PTPRM: variants seen among roughly 807,000 people sequenced by gnomAD.
PTPRM encodes the protein receptor-type tyrosine-protein phosphatase mu.
A neutral mutation model predicts 186.7 loss-of-function variants in PTPRM; 47 were observed. That is an observed-to-expected ratio of 0.25 (90% CI 0.20 to 0.32). The LOEUF is 0.32. Ranked by LOEUF, PTPRM falls within the 10% of genes least tolerant of loss-of-function variation. The probability of loss-of-function intolerance (pLI) is 1.00; values close to 1 mark genes in which losing one functional copy is unlikely to be tolerated. For synonymous variants in PTPRM, 668 were observed against 674.9 expected, an observed-to-expected ratio of 0.99 and a Z score of 0.16; for missense variants, 1,494 against 1,865.0, an observed-to-expected ratio of 0.80 and a Z score of 3.66.
At chr18:8,249,637 G>A (rs777060466) in intron 17 of PTPRM, among the ~76,000 whole-genome samples, 2 of 152,124 alleles carry the variant, frequency 1.3e-5, no homozygotes, top group Non-Finnish European at 2.9e-5. Context: ...TGAGTGGGGA[G>A]GGCTAAAACG....
chr18:8,223,677 G>A, intron 14 of PTPRM, among the ~76,000 whole-genome samples: 1 of 152,150 alleles, frequency 6.6e-6, no homozygotes, highest in East Asian at 1.9e-4. Context: ...CAGTTTTGCT[G>A]TCCTCTCCCC....
intron 2 of PTPRM, among the ~76,000 whole-genome samples, chr18:7,812,721 GTTT>G (rs56916348): frequency 6.9e-6 from 1 of 145,188 alleles, no homozygotes; most frequent in East Asian, 2.0e-4. Flanking sequence ...GACTTGGAAA[GTTT>G]TTTTTTTTTT....
chr18:7,657,560 A>G (rs1468814340), intron 1 of PTPRM, among the ~76,000 whole-genome samples: 1 of 152,202 alleles, frequency 6.6e-6, no homozygotes, highest in Non-Finnish European at 1.5e-5. Flanking sequence ...GAATGACAGA[A>G]CACACACACA....
intron 4 of PTPRM, among the ~76,000 whole-genome samples, chr18:7,917,829 C>G (rs1460690522): frequency 6.6e-6 from 1 of 152,118 alleles, no homozygotes; most frequent in Non-Finnish European, 1.5e-5. Flanking sequence ...TAATTCTGCA[C>G]CCCCACTCCC....
At chr18:8,054,754 C>T (rs907127487) in intron 7 of PTPRM, among the ~76,000 whole-genome samples, 1 of 151,396 alleles carries the variant, frequency 6.6e-6, no homozygotes. Flanking sequence ...TTTCTTCTAG[C>T]ATCTCAGACC....
chr18:8,071,681 G>T (rs539141617), intron 8 of PTPRM, among the ~76,000 whole-genome samples: 10 of 152,248 alleles, frequency 6.6e-5, no homozygotes, highest in Admixed American at 1.3e-4. Context: ...TGCATCCTGG[G>T]CTTCCCATCG....
intron 5 of PTPRM, among the ~76,000 whole-genome samples, chr18:7,931,719 T>C (rs1599580495): frequency 6.6e-6 from 1 of 152,224 alleles, no homozygotes; most frequent in Non-Finnish European, 1.5e-5. Context: ...TGTTTGCTGA[T>C]GGGAAACTTC....
intron 13 of PTPRM, among the ~76,000 whole-genome samples, chr18:8,126,005 A>G (rs868118917): frequency 5.9e-5 from 1 of 17,042 alleles, no homozygotes; most frequent in Non-Finnish European, 1.6e-4. Context: ...ATATATATAT[A>G]TATATATATA....
chr18:8,299,102 G>A (rs2000647), intron 20 of PTPRM, among the ~76,000 whole-genome samples: 79,040 of 151,804 alleles, frequency 0.52, 21,121 homozygotes, highest in Middle Eastern at 0.65. Flanking sequence ...TTCCAAGCAG[G>A]TTTTCTCCTT....
At chr18:8,240,647 GAGAGAGAAAGAAAGAAAGAA>G (rs1471502906) in intron 14 of PTPRM, among the ~76,000 whole-genome samples, 1,925 of 37,234 alleles carry the variant, frequency 0.052, 98 homozygotes, top group African/African-American at 0.086. Context: ...GAGAGAGAGA[GAGAGAGAAAGAAAGAAAGAA>G]AGAAAGAAAG....
At chr18:7,846,970 T>C (rs2046627056) in intron 2 of PTPRM, among the ~76,000 whole-genome samples, 1 of 151,910 alleles carries the variant, frequency 6.6e-6, no homozygotes, top group Non-Finnish European at 1.5e-5. Context: ...TTTCAGACTA[T>C]CACTGTATTT....
At chr18:8,217,785 G>A (rs1032415912) in intron 14 of PTPRM, among the ~76,000 whole-genome samples, 1 of 152,060 alleles carries the variant, frequency 6.6e-6, no homozygotes, top group African/African-American at 2.4e-5. Flanking sequence ...ATATATTTCC[G>A]TACATCACTA....
chr18:7,600,619 C>G (rs2037377636), intron 1 of PTPRM, among the ~76,000 whole-genome samples: 1 of 152,238 alleles, frequency 6.6e-6, no homozygotes, highest in African/African-American at 2.4e-5. Context: ...TACCCGCTCC[C>G]CTCCCTGAAG....
At chr18:8,164,734 G>A (rs750893281) in intron 14 of PTPRM, among the ~76,000 whole-genome samples, 1 of 152,152 alleles carries the variant, frequency 6.6e-6, no homozygotes, top group Non-Finnish European at 1.5e-5. Context: ...TGGCTAGAGA[G>A]TTTCAGTTTG....
At chr18:8,036,711 ACT>A (rs2086354431) in intron 7 of PTPRM, among the ~76,000 whole-genome samples, 2 of 151,990 alleles carry the variant, frequency 1.3e-5, no homozygotes, top group African/African-American at 4.8e-5. Flanking sequence ...TCTCTCAGGC[ACT>A]CTCTGACTTC....
At chr18:8,295,458 C>T (rs2095086573) in intron 19 of PTPRM, among the ~76,000 whole-genome samples, 1 of 152,040 alleles carries the variant, frequency 6.6e-6, no homozygotes. Context: ...GACACGAGTC[C>T]CTAATGCCAT....
At chr18:8,396,993 T>A (rs2095848209) in intron 32 of PTPRM, among the ~76,000 whole-genome samples, 1 of 152,208 alleles carries the variant, frequency 6.6e-6, no homozygotes, top group Non-Finnish European at 1.5e-5. Context: ...TAAAGTCTGG[T>A]ACAGTTTTAT....
At chr18:8,133,357 C>T (rs2092560023) in intron 13 of PTPRM, among the ~76,000 whole-genome samples, 1 of 152,186 alleles carries the variant, frequency 6.6e-6, no homozygotes, top group African/African-American at 2.4e-5. Flanking sequence ...GTTCAAACAT[C>T]TTCCTTCTTT....
At chr18:7,896,748 G>C (rs1431397276) in intron 3 of PTPRM, among the ~76,000 whole-genome samples, 1 of 152,164 alleles carries the variant, frequency 6.6e-6, no homozygotes, top group African/African-American at 2.4e-5. Context: ...TCTTTGTGCA[G>C]CAAGGACTCA....
Sources: gnomAD v4.1 joint callset for allele counts (sites outside exome capture counted in the v4.1 genomes callset) on GRCh38, gnomAD v4.1.1 for gene constraint, MANE v1.5 for transcripts, NCBI Gene and HGNC (gene_info 2026-07-23, HGNC 2026-07-21) for gene names.